NUDCD2: variants seen among roughly 807,000 people sequenced by gnomAD.
NUDCD2 encodes the protein NudC domain containing 2, also known as nudC domain-containing protein 2.
A neutral mutation model predicts 20.8 loss-of-function variants in NUDCD2; 16 were observed. The ratio of observed to expected loss-of-function variants is 0.77; its 90% confidence interval spans 0.52 to 1.17. The LOEUF (loss-of-function observed/expected upper bound fraction) is 1.17, where lower values mean the gene tolerates loss of function less well. Among genes scored for constraint, NUDCD2 ranks in the 50% most tolerant of loss-of-function variants. The pLI, the probability that NUDCD2 is intolerant of heterozygous loss-of-function variation, is 0.00. For missense variants in NUDCD2, 199 were observed against 193.9 expected, an observed-to-expected ratio of 1.03 and a Z score of -0.16; for synonymous variants, 87 against 72.8, an observed-to-expected ratio of 1.20 and a Z score of -1.00.
chr5:163,456,002 C>G (rs1422864120), intron 3 of NUDCD2, among the ~76,000 whole-genome samples: 1 of 151,802 alleles, frequency 6.6e-6, no homozygotes, highest in Non-Finnish European at 1.5e-5. Flanking sequence ...TTTTTTTGAC[C>G]TGAACTACTA....
At chr5:163,457,761 C>T in intron 1 of NUDCD2, 151 bp from the exon 2 acceptor site, 2 of 579,190 alleles carry the variant, frequency 3.5e-6, no homozygotes, top group South Asian at 4.6e-5. Flanking sequence ...AAATTTTCTC[C>T]CAGCAGGTAA....
rs1758193020 is a variant in NUDCD2 at position 163,452,109 on chromosome 5, G to C, written c.*1858C>G. The C allele has an allele frequency of 6.6e-6, 1 of 151,798 alleles. No individual in the cohort carries two copies. Among genetic ancestry groups the C allele is most frequent in the African/African-American group, 2.4e-5 (1 of 41,346 alleles). The allele number at this position is 151,798 out of a possible 1,614,324, so 9.4% of individuals were successfully genotyped here. ...AGGAATCAGGTTTCTCACTGGTACT[G>C]AAAACGGTTATAAATGTGGAGAAGG... On this transcript the variant is annotated 3_prime_UTR_variant, in exon 4 of 4. Transcript: ENST00000302764.
Position 163,449,682 on chromosome 5 carries a change from G to C in NUDCD2, c.*4285C>G, listed in dbSNP as rs1348071399. 6.6e-6 allele frequency: 1 copy of C among 152,170 alleles called. No individual in the cohort carries two copies. The highest frequency in any genetic ancestry group is 1.5e-5 in the Non-Finnish European group (1 of 68,028). 9.4% of individuals were successfully genotyped at this position (152,170 alleles called of 1,614,324 possible). On this transcript the variant is annotated 3_prime_UTR_variant, in exon 4 of 4. Coordinates refer to ENST00000302764, the MANE Select transcript of NUDCD2 (RefSeq NM_145266.6). ...CAGTTTTAAGACTTACTATAAAGCT[G>C]TGATAATCAAGGCAATCTGGTATTT...
chr5:163,457,002 G>T lies in NUDCD2; in HGVS notation c.317C>A (p.Ser106Tyr), dbSNP rs1387630685. ...AANCWTSLLE[S>Y]EYAADPWVQD... ...CACCCAAGGATCCGCTGCATATTCA[G>T]ATTCTAGTAGAGAAGTCCAACAATT... The change falls in exon 3 of 4, where the codon TCT (serine) becomes TAT (tyrosine). Residue 106 changes from serine to tyrosine, a missense_variant. Coordinates refer to ENST00000302764, the MANE Select transcript of NUDCD2 (RefSeq NM_145266.6). 6.2e-7 allele frequency: 1 copy of T among 1,613,408 alleles called. No individual in the cohort carries two copies. Among genetic ancestry groups the T allele is most frequent in the Admixed American group, 1.7e-5 (1 of 59,986 alleles).
chr5:163,453,082 C>T lies in NUDCD2; in HGVS notation c.*885G>A, dbSNP rs1212103872. On this transcript the variant is annotated 3_prime_UTR_variant, in exon 4 of 4. Coordinates refer to ENST00000302764, the MANE Select transcript of NUDCD2 (RefSeq NM_145266.6). ...AAGATAATTTGAAGCAGATAGTAAT[C>T]AGTAATGAGGAATCATGTCTTCAAC... 6.6e-6 allele frequency: 1 copy of T among 152,058 alleles called. No individual in the cohort carries two copies. Among genetic ancestry groups the T allele is most frequent in the Non-Finnish European group, 1.5e-5 (1 of 68,012 alleles). 9.4% of individuals were successfully genotyped at this position (152,058 alleles called of 1,614,324 possible). A position where few individuals can be genotyped will look rare whatever the true frequency, so the allele number is the denominator to read the frequency against.
Position 163,447,781 on chromosome 5 carries a change from G to GT in NUDCD2, c.*6185dup, listed in dbSNP as rs1758076218. ...TTTTTTGACCATAATCTAGAAATCA[G>GT]TAACAGCAAGAAAATCTCCAAACAC... On this transcript the variant is annotated 3_prime_UTR_variant, in exon 4 of 4. Transcript: ENST00000302764. 2 of 151,994 alleles carry GT rather than the reference G, an allele frequency of 1.3e-5. No individual in the cohort carries two copies. The highest frequency in any genetic ancestry group is 2.9e-5 in the Non-Finnish European group (2 of 68,004). 9.4% of individuals were successfully genotyped at this position (151,994 alleles called of 1,614,324 possible).
rs1163566092 is a variant in NUDCD2, at chr5:163,448,164, AG to A, written c.*5802del. On this transcript the variant is annotated 3_prime_UTR_variant, in exon 4 of 4. Coordinates refer to ENST00000302764, the MANE Select transcript of NUDCD2 (RefSeq NM_145266.6). The stretch of plus-strand genomic sequence containing the variant: ...GAAGTGAGACCTGTCTACAAAAAAA[AG>A]AAGCCCAAACTAAACCTAAAGCAAG... 1 of 151,328 alleles carries A rather than the reference AG, an allele frequency of 6.6e-6. No individual in the cohort carries two copies. The highest frequency in any genetic ancestry group is 2.4e-5 in the African/African-American group (1 of 40,936). 9.4% of individuals were successfully genotyped at this position (151,328 alleles called of 1,614,324 possible).
rs1191827119 is a variant in NUDCD2, at chr5:163,449,733, T to C, written c.*4234A>G. ...ATGAAAGGATAAACACATAGATCGA[T>C]GGAATAAAGTCCAAAACCAGACTCA... On this transcript the variant is annotated 3_prime_UTR_variant, in exon 4 of 4. Coordinates refer to ENST00000302764, the MANE Select transcript of NUDCD2 (RefSeq NM_145266.6). 6.6e-6 allele frequency: 1 copy of C among 152,174 alleles called. No individual in the cohort carries two copies. Among genetic ancestry groups the C allele is most frequent in the Non-Finnish European group, 1.5e-5 (1 of 68,030 alleles). 9.4% of individuals were successfully genotyped at this position (152,174 alleles called of 1,614,324 possible). A position where few individuals can be genotyped will look rare whatever the true frequency, so the allele number is the denominator to read the frequency against.
chr5:163,449,370 CAT>C lies in NUDCD2; in HGVS notation c.*4595_*4596del, dbSNP rs376651596. On this transcript the variant is annotated 3_prime_UTR_variant, in exon 4 of 4. Transcript: ENST00000302764. Reference sequence around the variant, plus strand: ...TACTAGCGATGTGCAATTGGAAACCCATGTTTCAAAAATAATACAACTTAACA... The same window carrying C: ...TACTAGCGATGTGCAATTGGAAACCCGTTTCAAAAATAATACAACTTAACA... 1.9e-3 allele frequency: 294 copies of C among 152,262 alleles called. 1 individual carries two copies. The highest frequency in any genetic ancestry group is 6.8e-3 in the African/African-American group (284 of 41,548). The allele number at this position is 152,262 out of a possible 1,614,324, so 9.4% of individuals were successfully genotyped here. A position where few individuals can be genotyped will look rare whatever the true frequency, so the allele number is the denominator to read the frequency against.
In NUDCD2 at chr5:163,447,858, C is replaced by T. The variant is rs1018970863; in HGVS notation, c.*6109G>A. 1 of 152,172 alleles carries T rather than the reference C, an allele frequency of 6.6e-6. No individual in the cohort carries two copies. Among genetic ancestry groups the T allele is most frequent in the Non-Finnish European group, 1.5e-5 (1 of 68,030 alleles). The allele number at this position is 152,172 out of a possible 1,614,324, so 9.4% of individuals were successfully genotyped here. On this transcript the variant is annotated 3_prime_UTR_variant, in exon 4 of 4. Transcript: ENST00000302764. ...ATAACTCATGATACTACAGGGAAGT[C>T]TTAAAAAATATTTTAAAATAAATGA...
intron 3 of NUDCD2, among the ~76,000 whole-genome samples, chr5:163,456,008 T>TACA (rs1758299371): frequency 6.6e-6 from 1 of 152,138 alleles, no homozygotes; most frequent in Non-Finnish European, 1.5e-5. Flanking sequence ...TGACCTGAAC[T>TACA]ACTAGTTTTC....
intron 1 of NUDCD2, among the ~76,000 whole-genome samples, chr5:163,458,716 A>G (rs1340883056): frequency 6.6e-6 from 1 of 152,234 alleles, no homozygotes; most frequent in Non-Finnish European, 1.5e-5. Context: ...AAATATGTCA[A>G]AATTAGTGAG....
chr5:163,458,175 G>A (rs1758374251), intron 1 of NUDCD2, among the ~76,000 whole-genome samples: 1 of 151,706 alleles, frequency 6.6e-6, no homozygotes, highest in African/African-American at 2.4e-5. Context: ...TAGAGATGGG[G>A]TTTCCCCGTG....
At chr5:163,456,068 T>C (rs988870985) in intron 3 of NUDCD2, among the ~76,000 whole-genome samples, 1 of 152,132 alleles carries the variant, frequency 6.6e-6, no homozygotes, top group South Asian at 2.1e-4. Context: ...GGAAGGATGT[T>C]AGGGTGTTCA....
rs540496894 is a variant in NUDCD2 at position 163,457,979 on chromosome 5, C to CTTT, written c.190-372_190-370dup. ...TCCTGCTAAAACTAAAAAATGTTGT[C>CTTT]TTTTTTTTTTTTTTTTTTTTTTTTT... On this transcript the variant is annotated intron_variant, in intron 1 of 3. Coordinates refer to ENST00000302764, the MANE Select transcript of NUDCD2 (RefSeq NM_145266.6). Among the ~76,000 whole-genome samples the CTTT allele has an allele frequency of 7.0e-3, 518 of 73,718 alleles. 99 individuals are homozygous for CTTT. The highest frequency in any genetic ancestry group is 0.017 in the African/African-American group (291 of 16,930). 48.4% of individuals were successfully genotyped at this position (73,718 alleles called of 152,430 possible).
Position 163,447,987 on chromosome 5 carries a change from T to C in NUDCD2, c.*5980A>G, listed in dbSNP as rs1758081601. 6.6e-6 allele frequency: 1 copy of C among 151,992 alleles called. No homozygotes were observed. Among genetic ancestry groups the C allele is most frequent in the Non-Finnish European group, 1.5e-5 (1 of 68,004 alleles). The allele number at this position is 151,992 out of a possible 1,614,324, so 9.4% of individuals were successfully genotyped here. ...AAGTTCTCAAATTAACACTCTAAGC[T>C]CCCACTTTAAGAAAGTAGGAAAATC... On this transcript the variant is annotated 3_prime_UTR_variant, in exon 4 of 4. Transcript: ENST00000302764.
Position 163,460,060 on chromosome 5 carries a change from C to A in NUDCD2, c.-10G>T. 1 of 1,545,990 alleles carries A rather than the reference C, an allele frequency of 6.5e-7. No individual in the cohort carries two copies. The highest frequency in any genetic ancestry group is 8.7e-7 in the Non-Finnish European group (1 of 1,147,532). On this transcript the variant is annotated 5_prime_UTR_variant, in exon 1 of 4. Transcript: ENST00000302764. The stretch of plus-strand genomic sequence containing the variant: ...CAAACGGGGCCGACATAATCCAGTC[C>A]CTCCCGGCCGCGGCCGCACCAGGCG...
intron 3 of NUDCD2, 54 bp downstream of exon 3, chr5:163,456,875 T>C (rs1758324589): frequency 1.7e-6 from 2 of 1,152,972 alleles, no homozygotes; most frequent in Non-Finnish European, 2.3e-6. Flanking sequence ...AAATATTTAT[T>C]TGATGATTTT....
rs1271314671 is a variant in NUDCD2, at chr5:163,448,246, A to G, written c.*5721T>C. 3 of 152,158 alleles carry G rather than the reference A, an allele frequency of 2.0e-5. No homozygotes were observed. Among genetic ancestry groups the G allele is most frequent in the Admixed American group, 2.0e-4 (3 of 15,288 alleles). The allele number at this position is 152,158 out of a possible 1,614,324, so 9.4% of individuals were successfully genotyped here. On this transcript the variant is annotated 3_prime_UTR_variant, in exon 4 of 4. Coordinates refer to ENST00000302764, the MANE Select transcript of NUDCD2 (RefSeq NM_145266.6). ...AAATAAATGCAATTGTAAACAAATT[A>G]ATAGAAAACAATCAAAAAACTAATT...
Sources: gnomAD v4.1 joint callset for allele counts (sites outside exome capture counted in the v4.1 genomes callset) on GRCh38, gnomAD v4.1.1 for gene constraint, MANE v1.5 for transcripts, NCBI Gene and HGNC (gene_info 2026-07-23, HGNC 2026-07-21) for gene names.